The following WDR70 variants were observed in gnomAD, a reference collection of about 807,000 sequenced individuals.
WDR70 encodes WD repeat-containing protein 70.
In WDR70, 53 loss-of-function variants were observed where a neutral mutation model predicts 88.6. The ratio of observed to expected loss-of-function variants is 0.60; its 90% CI spans 0.48 to 0.75. The LOEUF (loss-of-function observed/expected upper bound fraction) is 0.75, where lower values mean the gene tolerates loss of function less well. Among genes scored for constraint, WDR70 ranks in the 30% least tolerant of loss-of-function variants. WDR70 has a pLI of 0.00. For synonymous variants in WDR70, 280 were observed against 270.0 expected, an observed-to-expected ratio of 1.04 and a Z score of -0.36; for missense variants, 610 against 823.2, an observed-to-expected ratio of 0.74 and a Z score of 3.17.
intron 17 of WDR70, among the ~76,000 whole-genome samples, chr5:37,733,586 T>C (rs1748216409): frequency 6.6e-6 from 1 of 152,074 alleles, no homozygotes; most frequent in Admixed American, 6.6e-5. Context: ...TCAATTGGTC[T>C]GGCTCTGCAA....
At chr5:37,387,492 T>C (rs1047045940) in intron 3 of WDR70, among the ~76,000 whole-genome samples, 1 of 152,214 alleles carries the variant, frequency 6.6e-6, no homozygotes, top group African/African-American at 2.4e-5. Flanking sequence ...TTGATTTACA[T>C]CTTTGGACTG....
intron 10 of WDR70, among the ~76,000 whole-genome samples, chr5:37,679,739 G>C (rs1170290406): frequency 2.6e-5 from 4 of 152,178 alleles, no homozygotes; most frequent in Admixed American, 2.6e-4. Context: ...GCTGCGTGCT[G>C]GGAGAACCAC....
At chr5:37,505,664 A>C (rs1271231712) in intron 8 of WDR70, 3 of 813,410 alleles carry the variant, frequency 3.7e-6, no homozygotes, top group African/African-American at 3.4e-5. Context: ...CATCTTGTAC[A>C]TCTTCCTCTA....
chr5:37,487,463 TA>T (rs201439296), intron 8 of WDR70, among the ~76,000 whole-genome samples: 5,254 of 151,360 alleles, frequency 0.035, 311 homozygotes, highest in African/African-American at 0.12. Context: ...AATTTATTAA[TA>T]ATATATCTAA....
chr5:37,676,047 G>A (rs1177399556), intron 10 of WDR70, among the ~76,000 whole-genome samples: 10 of 146,056 alleles, frequency 6.8e-5, no homozygotes, highest in African/African-American at 2.3e-4. Context: ...TCTGTTATTG[G>A]TGTATAAGAA....
chr5:37,563,071 G>A (rs1581395910), intron 9 of WDR70, among the ~76,000 whole-genome samples: 1 of 66,912 alleles, frequency 1.5e-5, no homozygotes, highest in Non-Finnish European at 3.0e-5. Flanking sequence ...CTGGCCGGGC[G>A]GGGGGCTGAC....
chr5:37,729,346 G>A (rs1239508239), intron 17 of WDR70, among the ~76,000 whole-genome samples: 1 of 151,604 alleles, frequency 6.6e-6, no homozygotes, highest in Non-Finnish European at 1.5e-5. Flanking sequence ...GGAAATACAT[G>A]TATGCATACT....
At chr5:37,492,878 G>A (rs1740106849) in intron 8 of WDR70, among the ~76,000 whole-genome samples, 1 of 152,186 alleles carries the variant, frequency 6.6e-6, no homozygotes, top group Non-Finnish European at 1.5e-5. Flanking sequence ...GCATGGTATG[G>A]AGAAAGCCAG....
chr5:37,646,791 C>G (rs192685615), intron 10 of WDR70, among the ~76,000 whole-genome samples: 2,286 of 152,202 alleles, frequency 0.015, 35 homozygotes, highest in Admixed American at 0.048. Flanking sequence ...TTAGGATCCT[C>G]TCTTTATCCG....
At chr5:37,577,692 TC>T in intron 9 of WDR70, among the ~76,000 whole-genome samples, 1 of 152,210 alleles carries the variant, frequency 6.6e-6, no homozygotes, top group African/African-American at 2.4e-5. Context: ...TGAGACCACT[TC>T]CTTGAACAGT....
intron 9 of WDR70, among the ~76,000 whole-genome samples, chr5:37,598,705 A>G (rs1371432998): frequency 1.3e-5 from 2 of 152,346 alleles, no homozygotes; most frequent in Middle Eastern, 3.4e-3. Context: ...TGGATGCTAA[A>G]GTGCTAGGCC....
chr5:37,517,085 G>A (rs1356169689), intron 9 of WDR70, among the ~76,000 whole-genome samples: 1 of 152,102 alleles, frequency 6.6e-6, no homozygotes, highest in Non-Finnish European at 1.5e-5. Flanking sequence ...AACAAAAATA[G>A]ACACTATGAA....
intron 7 of WDR70, among the ~76,000 whole-genome samples, chr5:37,467,534 ATTTT>A (rs35972019): frequency 0.43 from 53,633 of 124,760 alleles, 10,015 homozygotes; most frequent in East Asian, 0.58. Context: ...TATCATATGA[ATTTT>A]TTTTTTTTTT....
At chr5:37,707,011 AT>A (rs1747347064) in intron 13 of WDR70, among the ~76,000 whole-genome samples, 1 of 152,204 alleles carries the variant, frequency 6.6e-6, no homozygotes, top group Non-Finnish European at 1.5e-5. Flanking sequence ...TGACATGTCA[AT>A]TTTTAAAGTT....
At chr5:37,730,333 GAT>G (rs1748109723) in intron 17 of WDR70, among the ~76,000 whole-genome samples, 1 of 152,072 alleles carries the variant, frequency 6.6e-6, no homozygotes, top group South Asian at 2.1e-4. Context: ...AATTTGAATT[GAT>G]CAGTTTAGGA....
chr5:37,733,219 G>A lies in WDR70; in HGVS notation c.1877+6174G>A, dbSNP rs374779208. Among the ~76,000 whole-genome samples the A allele has an allele frequency of 6.7e-4, 102 of 152,174 alleles. No individual in the cohort carries two copies. In the South Asian group the frequency reaches 0.012, roughly 17 times the overall value. ...AGCCACATCCCTTTAATGTTGCCTA[G>A]TCTTCACATTGCCTTCTCCTTTGTC... On this transcript the variant is annotated intron_variant, in intron 17 of 17. Coordinates refer to ENST00000265107, the MANE Select transcript of WDR70 (RefSeq NM_018034.4).
Position 37,439,627 on chromosome 5 carries a change from T to C in WDR70, c.552+1646T>C, listed in dbSNP as rs1021877894. Among the ~76,000 whole-genome samples the C allele has an allele frequency of 6.0e-3, 344 of 57,244 alleles. 3 individuals carry two copies. Among genetic ancestry groups the C allele is most frequent in the African/African-American group, 0.011 (334 of 30,418 alleles). 37.6% of individuals were successfully genotyped at this position (57,244 alleles called of 152,430 possible). A position where few individuals can be genotyped will look rare whatever the true frequency, so the allele number is the denominator to read the frequency against. ...CTAATTATACTCTTGGCTTAACTCTTTTTTTTTTTTTTTTTGCAATCCTGC... is the reference window on the plus strand; with the variant it reads ...CTAATTATACTCTTGGCTTAACTCTCTTTTTTTTTTTTTTTGCAATCCTGC... On this transcript the variant is annotated intron_variant, in intron 6 of 17. Coordinates refer to ENST00000265107, the MANE Select transcript of WDR70 (RefSeq NM_018034.4).
intron 9 of WDR70, among the ~76,000 whole-genome samples, chr5:37,520,581 A>G (rs1741054894): frequency 6.6e-6 from 1 of 152,154 alleles, no homozygotes; most frequent in Non-Finnish European, 1.5e-5. Flanking sequence ...TAAATTAATA[A>G]TATAGCATGA....
At chr5:37,500,206 G>T (rs1207369859) in intron 8 of WDR70, among the ~76,000 whole-genome samples, 1 of 152,144 alleles carries the variant, frequency 6.6e-6, no homozygotes, top group African/African-American at 2.4e-5. Flanking sequence ...TTCCATTCCT[G>T]AGTTACCTCA....
Sources: gnomAD v4.1 joint callset for allele counts (sites outside exome capture counted in the v4.1 genomes callset) on GRCh38, gnomAD v4.1.1 for gene constraint, MANE v1.5 for transcripts, NCBI Gene and HGNC (gene_info 2026-07-23, HGNC 2026-07-21) for gene names.